Variants in ZFHX3 observed in about 807,000 individuals in gnomAD.
ZFHX3 encodes the protein zinc finger homeobox protein 3.
Under a neutral mutation model 279.1 loss-of-function variants are expected in ZFHX3, and 42 were observed. The ratio of observed to expected loss-of-function variants is 0.15; its 90% confidence interval spans 0.12 to 0.19. ZFHX3 has a LOEUF of 0.19. Ranked by LOEUF, ZFHX3 falls within the 10% of genes least tolerant of loss-of-function variation. ZFHX3 has a pLI of 1.00. For missense variants in ZFHX3, 4,981 were observed against 4,754.0 expected (o/e 1.05, Z -1.40); for synonymous variants, 2,293 against 1,957.8 (o/e 1.17, Z -4.52).
Position 72,958,903 on chromosome 16 carries a change from T to C in ZFHX3, c.1243A>G (p.Ile415Val). The C allele has an allele frequency of 6.2e-7, 1 of 1,607,570 alleles. No homozygotes were observed. The highest frequency in any genetic ancestry group is 8.5e-7 in the Non-Finnish European group (1 of 1,176,724). Residue 415 changes from isoleucine to valine, a missense_variant, in exon 2 of 10, where the codon ATT becomes GTT. Transcript: ENST00000268489. The stretch of plus-strand genomic sequence containing the variant: ...AGAGGCCCCAGGGGGACTGAGGTAA[T>C]GGGGGTCTTCAGTACCGAGCTGGTG... ...GLTSSVLKTPITSVPLGPLAS... is the reference protein window; with the variant it reads ...GLTSSVLKTPVTSVPLGPLAS...
In ZFHX3 at chr16:73,505,691, C is replaced by A. The variant is rs532412365; in HGVS notation, c.-1546-49433G>T. On this transcript the variant is annotated intron_variant, in intron 2 of 17. Coordinates refer to the ZFHX3 transcript ENST00000641206. The stretch of plus-strand genomic sequence containing the variant: ...CAGGCTTAAAACTTGCCTTCTTGCT[C>A]CAGCTCTCAGTCTCAGGATCCCAGA... 3.9e-4 allele frequency among the ~76,000 whole-genome samples: 59 copies of A among 152,294 alleles called. 1 individual carries two copies. The South Asian group carries it at 4.1e-3, about 11-fold the overall frequency.
intron 1 of ZFHX3, among the ~76,000 whole-genome samples, chr16:73,788,546 C>T (rs980304525): frequency 7.9e-5 from 12 of 152,104 alleles, no homozygotes; most frequent in African/African-American, 2.9e-4. Context: ...GTCTGCTCTG[C>T]CCATTAGGTC....
In ZFHX3 at chr16:73,662,146, G is replaced by A. The variant is rs542990717; in HGVS notation, c.-1547+18034C>T. Among the ~76,000 whole-genome samples, 48 of 152,126 alleles carry A rather than the reference G, an allele frequency of 3.2e-4. No homozygotes were observed. The South Asian group carries it at 7.7e-3, about 24-fold the overall frequency. ...GCATTATTATGTGAAAGAGAGTTAT[G>A]TTAAAACCCTGATATTACAAGGTGA... On this transcript the variant is annotated intron_variant, in intron 2 of 17. Transcript: ENST00000641206.
At chr16:73,368,207 C>A (rs1158614387) in intron 3 of ZFHX3, among the ~76,000 whole-genome samples, 5 of 152,158 alleles carry the variant, frequency 3.3e-5, no homozygotes, top group African/African-American at 1.2e-4. Context: ...CCTTTTATCA[C>A]CCAGGCTGTT....
chr16:73,003,291 G>C (rs575458261), intron 1 of ZFHX3, among the ~76,000 whole-genome samples: 1 of 151,270 alleles, frequency 6.6e-6, no homozygotes, highest in Middle Eastern at 3.4e-3. Context: ...TCCTGATCCG[G>C]GTATTAGACG....
chr16:73,494,233 T>C (rs1184401949), intron 2 of ZFHX3, among the ~76,000 whole-genome samples: 1 of 152,118 alleles, frequency 6.6e-6, no homozygotes, highest in Non-Finnish European at 1.5e-5. Context: ...AATGTCTACA[T>C]CAATACGGAC....
At chr16:73,235,910 A>G (rs2012932788) in intron 5 of ZFHX3, among the ~76,000 whole-genome samples, 1 of 152,174 alleles carries the variant, frequency 6.6e-6, no homozygotes, top group African/African-American at 2.4e-5. Context: ...GGCTCAAGCA[A>G]TCTGCCCACC....
intron 1 of ZFHX3, among the ~76,000 whole-genome samples, chr16:73,749,838 G>C (rs140477511): frequency 6.6e-6 from 1 of 152,324 alleles, no homozygotes; most frequent in East Asian, 1.9e-4. Flanking sequence ...GGGCAGCCTT[G>C]GATGGCCCTG....
chr16:73,583,748 A>G (rs565040364), intron 2 of ZFHX3, among the ~76,000 whole-genome samples: 2 of 152,326 alleles, frequency 1.3e-5, no homozygotes, highest in South Asian at 4.1e-4. Context: ...CTCACAATTG[A>G]CAAAATATAA....
chr16:73,157,949 G>C (rs531775984), intron 5 of ZFHX3, among the ~76,000 whole-genome samples: 12 of 152,050 alleles, frequency 7.9e-5, no homozygotes, highest in African/African-American at 2.9e-4. Context: ...GAGATGAGTT[G>C]AGGAAAATGA....
intron 1 of ZFHX3, among the ~76,000 whole-genome samples, chr16:73,849,818 C>T (rs1961549577): frequency 6.6e-6 from 1 of 152,224 alleles, no homozygotes; most frequent in African/African-American, 2.4e-5. Flanking sequence ...CTGCAACCTC[C>T]ACCTCCCAGG....
At chr16:72,789,082 A>T in intron 9 of ZFHX3, 1 of 423,548 alleles carries the variant, frequency 2.4e-6, no homozygotes. Flanking sequence ...TCAGCCAAAC[A>T]ACTTCCAGAA....
intron 1 of ZFHX3, among the ~76,000 whole-genome samples, chr16:72,974,282 C>A (rs1031215671): frequency 6.6e-6 from 1 of 152,208 alleles, no homozygotes; most frequent in Non-Finnish European, 1.5e-5. Flanking sequence ...CACCATTCAA[C>A]GTTGCTGGAC....
chr16:73,331,040 T>G (rs925137742), intron 3 of ZFHX3, among the ~76,000 whole-genome samples: 1 of 152,062 alleles, frequency 6.6e-6, no homozygotes, highest in Non-Finnish European at 1.5e-5. Flanking sequence ...ACTGGGTAAT[T>G]TATAAAGGAA....
intron 1 of ZFHX3, among the ~76,000 whole-genome samples, chr16:73,792,863 C>CT (rs1002525059): frequency 2.0e-5 from 3 of 147,626 alleles, no homozygotes; most frequent in African/African-American, 5.1e-5. Context: ...TGCACCCCCC[C>CT]CCTCCCCTCT....
intron 3 of ZFHX3, among the ~76,000 whole-genome samples, chr16:73,444,858 G>A (rs1209073482): frequency 6.7e-5 from 10 of 150,074 alleles, no homozygotes; most frequent in East Asian, 2.0e-4. Context: ...GGTGGCTCAC[G>A]CCTGTAATCC....
At chr16:73,789,379 A>T (rs1362490467) in intron 1 of ZFHX3, among the ~76,000 whole-genome samples, 1 of 151,866 alleles carries the variant, frequency 6.6e-6, no homozygotes, top group Non-Finnish European at 1.5e-5. Flanking sequence ...ACGGGGTTTC[A>T]CCATGTTAGC....
At chr16:73,462,502 G>A (rs1006254493) in intron 2 of ZFHX3, among the ~76,000 whole-genome samples, 11 of 152,152 alleles carry the variant, frequency 7.2e-5, no homozygotes, top group Middle Eastern at 3.4e-3. Context: ...TGGTTATAGC[G>A]GAAAAGTGTT....
At chr16:73,015,291 C>T (rs1440732770) in intron 1 of ZFHX3, 1 of 152,230 alleles carries the variant, frequency 6.6e-6, no homozygotes, top group African/African-American at 2.4e-5. Context: ...AAGTGATCCA[C>T]CCACTTCAGC....
Sources: gnomAD v4.1 joint callset for allele counts (sites outside exome capture counted in the v4.1 genomes callset) on GRCh38, gnomAD v4.1.1 for gene constraint, MANE v1.5 for transcripts, NCBI Gene and HGNC (gene_info 2026-07-23, HGNC 2026-07-21) for gene names.